HMGA2: variants seen among roughly 807,000 people sequenced by gnomAD.
HMGA2 encodes the protein high mobility group protein HMGI-C.
A neutral mutation model predicts 19.1 loss-of-function variants in HMGA2; 8 were observed. That is an observed-to-expected ratio of 0.42 (90% confidence interval 0.25 to 0.76). The LOEUF is 0.76. Ranked by LOEUF, HMGA2 falls within the 30% of genes least tolerant of loss-of-function variation. The probability of loss-of-function intolerance (pLI) is 0.28; values close to 1 mark genes in which losing one functional copy is unlikely to be tolerated. For synonymous variants in HMGA2, 60 were observed against 48.8 expected (o/e 1.23, Z -0.96); for missense variants, 109 against 136.3 (o/e 0.80, Z 1.00).
chr12:65,842,697 G>C, intron 3 of HMGA2: 1 of 1,523,138 alleles, frequency 6.6e-7, no homozygotes, highest in Non-Finnish European at 8.8e-7. Context: ...TTTGCCTCAA[G>C]ATGTACATAC....
chr12:65,920,508 C>T (rs142249414), intron 3 of HMGA2, among the ~76,000 whole-genome samples: 1 of 152,320 alleles, frequency 6.6e-6, no homozygotes, highest in African/African-American at 2.4e-5. Context: ...AATGTCAACT[C>T]GAATTGTATC....
In HMGA2 at chr12:65,950,107, C is replaced by T. The variant is rs796496482; in HGVS notation, c.250-1276C>T. 2.0e-4 allele frequency among the ~76,000 whole-genome samples: 31 copies of T among 152,258 alleles called. 1 individual carries two copies. The highest frequency in any genetic ancestry group is 7.2e-4 in the African/African-American group (30 of 41,544). The stretch of plus-strand genomic sequence containing the variant: ...AACTCCAGATTCATTGCTGGTGGGA[C>T]GGACTGCAAAATGGTACAGCTGCTT... On this transcript the variant is annotated intron_variant, in intron 3 of 4. Coordinates refer to ENST00000403681, the MANE Select transcript of HMGA2 (RefSeq NM_003483.6).
At chr12:65,931,106 A>AT (rs143783040) in intron 3 of HMGA2, among the ~76,000 whole-genome samples, 3,535 of 152,216 alleles carry the variant, frequency 0.023, 86 homozygotes, top group East Asian at 0.087. Flanking sequence ...AGACATCTGT[A>AT]TTTTTCATTC....
chr12:65,872,689 C>T (rs1207630565), intron 3 of HMGA2, among the ~76,000 whole-genome samples: 1 of 152,210 alleles, frequency 6.6e-6, no homozygotes, highest in African/African-American at 2.4e-5. Context: ...CTCACTTAAA[C>T]TATTTGCACC....
rs1160051553 is a variant in HMGA2 at position 65,965,764 on chromosome 12, G to A, written c.*2472G>A. On this transcript the variant is annotated 3_prime_UTR_variant, in exon 5 of 5. Transcript: ENST00000403681. ...GTGCACCGAGTGATTTCCATCTCTG[G>A]TAAAGTTACACTTTTATTTCCTGTA... 9.1e-6 allele frequency: 2 copies of A among 220,568 alleles called. No individual in the cohort carries two copies. The highest frequency in any genetic ancestry group is 1.8e-5 in the Non-Finnish European group (2 of 109,964). 13.7% of individuals were successfully genotyped at this position (220,568 alleles called of 1,614,324 possible). A position where few individuals can be genotyped will look rare whatever the true frequency, so the allele number is the denominator to read the frequency against.
In HMGA2 at chr12:65,887,877, TAA is replaced by T. The variant is rs59062095; in HGVS notation, c.249+49321_249+49322del. 1.4e-3 allele frequency among the ~76,000 whole-genome samples: 196 copies of T among 142,112 alleles called. 1 individual carries two copies. Among genetic ancestry groups the T allele is most frequent in the African/African-American group, 3.5e-3 (140 of 39,554 alleles). 93.2% of individuals were successfully genotyped at this position (142,112 alleles called of 152,430 possible). On this transcript the variant is annotated intron_variant, in intron 3 of 4. Transcript: ENST00000403681. ...CAATATTAGCCTGCCACAGGCAAAT[TAA>T]AAAAAAAAAAAAGCAATGACAACAA...
At chr12:65,893,570 A>G (rs1874004151) in intron 3 of HMGA2, among the ~76,000 whole-genome samples, 1 of 152,220 alleles carries the variant, frequency 6.6e-6, no homozygotes, top group African/African-American at 2.4e-5. Flanking sequence ...CATCCTTTGC[A>G]AACATTGTAG....
chr12:65,848,492 G>T (rs549435719), intron 3 of HMGA2, among the ~76,000 whole-genome samples: 4 of 152,162 alleles, frequency 2.6e-5, no homozygotes, highest in African/African-American at 4.8e-5. Context: ...ACAACAACCT[G>T]AAATCCTAGG....
chr12:65,952,435 G>A, intron 4 of HMGA2: 1 of 1,534,000 alleles, frequency 6.5e-7, no homozygotes, highest in African/African-American at 1.4e-5. Context: ...ACTTAGAAGA[G>A]AATTGAAACT....
At chr12:65,871,561 G>A (rs1297094023) in intron 3 of HMGA2, among the ~76,000 whole-genome samples, 1 of 152,158 alleles carries the variant, frequency 6.6e-6, no homozygotes, top group Non-Finnish European at 1.5e-5. Context: ...AATTTTGAAT[G>A]TTCTATATCT....
intron 3 of HMGA2, chr12:65,915,243 G>A (rs1362533513): frequency 6.4e-7 from 1 of 1,563,000 alleles, no homozygotes; most frequent in African/African-American, 1.4e-5. Context: ...AACCTATCAG[G>A]TGTCTTTTAG....
chr12:65,848,594 C>T (rs1225711769), intron 3 of HMGA2, among the ~76,000 whole-genome samples: 1 of 152,198 alleles, frequency 6.6e-6, no homozygotes, highest in Non-Finnish European at 1.5e-5. Flanking sequence ...CGGTGGCTCA[C>T]GCCTGTAATC....
intron 3 of HMGA2, chr12:65,934,802 C>T (rs1187736543): frequency 2.6e-5 from 4 of 152,242 alleles, no homozygotes; most frequent in Non-Finnish European, 5.9e-5. Context: ...TCCCTGAAGA[C>T]CCTGCATGAG....
intron 3 of HMGA2, chr12:65,915,174 A>G: frequency 1.2e-6 from 2 of 1,611,256 alleles, no homozygotes; most frequent in Non-Finnish European, 1.7e-6. Flanking sequence ...TGTTATTTTC[A>G]CCTTGAGGAA....
At chr12:65,915,067 A>C in intron 3 of HMGA2, 1 of 1,613,746 alleles carries the variant, frequency 6.2e-7, no homozygotes, top group Non-Finnish European at 8.5e-7. Flanking sequence ...AGGACAATCT[A>C]CTACCAAGAA....
At chr12:65,886,953 A>G (rs1027317519) in intron 3 of HMGA2, among the ~76,000 whole-genome samples, 1 of 152,224 alleles carries the variant, frequency 6.6e-6, no homozygotes, top group African/African-American at 2.4e-5. Flanking sequence ...TAAGTAAGCA[A>G]GACTTGAACT....
intron 3 of HMGA2, among the ~76,000 whole-genome samples, chr12:65,931,828 A>G (rs1242809375): frequency 6.6e-6 from 1 of 152,116 alleles, no homozygotes; most frequent in Non-Finnish European, 1.5e-5. Context: ...CAAGAGGATC[A>G]CTTAAGCCTA....
intron 3 of HMGA2, among the ~76,000 whole-genome samples, chr12:65,912,633 G>A (rs1450179329): frequency 1.3e-5 from 2 of 152,186 alleles, no homozygotes; most frequent in Non-Finnish European, 2.9e-5. Context: ...GGAACAACCT[G>A]AGGAGGTATT....
intron 3 of HMGA2, chr12:65,881,806 C>T (rs1270443975): frequency 8.5e-6 from 6 of 703,040 alleles, no homozygotes; most frequent in African/African-American, 1.7e-5. Context: ...TGGCCTTGCG[C>T]GCAAGTGGTG....
Sources: gnomAD v4.1 joint callset for allele counts (sites outside exome capture counted in the v4.1 genomes callset) on GRCh38, gnomAD v4.1.1 for gene constraint, MANE v1.5 for transcripts, NCBI Gene and HGNC (gene_info 2026-07-23, HGNC 2026-07-21) for gene names.